ZC3H7B: variants seen among roughly 807,000 people sequenced by gnomAD.
ZC3H7B encodes the protein zinc finger CCCH-type containing 7B, also known as zinc finger CCCH domain-containing protein 7B.
A neutral mutation model predicts 116.0 loss-of-function variants in ZC3H7B; 35 were observed. The ratio of observed to expected loss-of-function variants is 0.30; its 90% CI spans 0.23 to 0.40. The LOEUF (loss-of-function observed/expected upper bound fraction) is 0.40. Among genes scored for constraint, ZC3H7B ranks in the 10% least tolerant of loss-of-function variants. ZC3H7B has a pLI of 1.00. For missense variants in ZC3H7B, 1,011 were observed against 1,321.5 expected (o/e 0.77, Z 3.64); for synonymous variants, 502 against 545.6 (o/e 0.92, Z 1.11).
intron 17 of ZC3H7B, among the ~76,000 whole-genome samples, chr22:41,352,105 C>T (rs755912916): frequency 2.6e-5 from 4 of 152,176 alleles, no homozygotes; most frequent in Non-Finnish European, 5.9e-5. Flanking sequence ...CAAAGTGCAG[C>T]GATTACAGGC....
intron 6 of ZC3H7B, 59 bp from the exon 7 acceptor site, chr22:41,332,112 G>A (rs2036390784): frequency 3.8e-6 from 6 of 1,597,230 alleles, no homozygotes; most frequent in Non-Finnish European, 4.3e-6. Flanking sequence ...CAGCTAAGGG[G>A]ACCTTGAGCA....
chr22:41,309,082 A>G (rs1317035674), intron 1 of ZC3H7B, among the ~76,000 whole-genome samples: 1 of 125,034 alleles, frequency 8.0e-6, no homozygotes, highest in Non-Finnish European at 1.6e-5. Flanking sequence ...CGCGATCTCG[A>G]CTCACTGCAA....
In ZC3H7B at chr22:41,340,140, A is replaced by G. The variant is rs1360477331; in HGVS notation, c.1138+3A>G. On this transcript the variant is annotated splice_donor_region_variant and intron_variant, in intron 10 of 22. Transcript: ENST00000352645. Reference sequence around the variant, plus strand: ...GGACAAACCTGACTCCTTCATGGGTAAGGCCATGGGTGGGCCCGTTCAACC... The same window carrying G: ...GGACAAACCTGACTCCTTCATGGGTGAGGCCATGGGTGGGCCCGTTCAACC... 2.5e-6 allele frequency: 4 copies of G among 1,597,068 alleles called. No individual in the cohort carries two copies. The highest frequency in any genetic ancestry group is 2.7e-5 in the African/African-American group (2 of 74,686).
chr22:41,352,741 G>A (rs995178306), intron 17 of ZC3H7B, among the ~76,000 whole-genome samples: 8 of 151,906 alleles, frequency 5.3e-5, no homozygotes, highest in Non-Finnish European at 1.0e-4. Flanking sequence ...CAGCTAGGGC[G>A]ACAGTGTGAG....
chr22:41,326,912 C>T (rs1301006174), intron 4 of ZC3H7B, among the ~76,000 whole-genome samples: 4 of 152,224 alleles, frequency 2.6e-5, no homozygotes, highest in Admixed American at 6.6e-5. Context: ...TGGAAATAGA[C>T]GTGCTTGAGT....
In ZC3H7B at chr22:41,351,122, C is replaced by T. The variant is rs910468309; in HGVS notation, c.1949-439C>T. 2.0e-5 allele frequency among the ~76,000 whole-genome samples: 3 copies of T among 152,278 alleles called. No homozygotes were observed. The highest frequency in any genetic ancestry group is 1.9e-4 in the East Asian group (1 of 5,186). ...AAAGAGCCGTGGTACCACAGTGAACCGGTGAGCCAGGCTGGGCAGGCATGG... is the reference window on the plus strand; with the variant it reads ...AAAGAGCCGTGGTACCACAGTGAACTGGTGAGCCAGGCTGGGCAGGCATGG... On this transcript the variant is annotated intron_variant, in intron 16 of 22. Transcript: ENST00000352645. This position sits in a 1 kb window ranked among gnomAD's most constrained non-coding sequence, Gnocchi z 5.1.
In ZC3H7B at chr22:41,349,291, G is replaced by T; in HGVS notation, c.1938G>T (p.Gln646His). The T allele has an allele frequency of 6.2e-7, 1 of 1,613,620 alleles. No homozygotes were observed. The highest frequency in any genetic ancestry group is 1.1e-5 in the South Asian group (1 of 91,074). ...SFIELKVWLLQQYSGMTHEDI... is the reference protein window; with the variant it reads ...SFIELKVWLLHQYSGMTHEDI... ...TCGAGCTCAAGGTCTGGCTGCTGCAGCAGTACTCAGGTGAGGGGCAGGCGG... is the reference window on the plus strand; with the variant it reads ...TCGAGCTCAAGGTCTGGCTGCTGCATCAGTACTCAGGTGAGGGGCAGGCGG... The change falls in exon 16 of 23, where the codon CAG becomes CAT. Residue 646 changes from glutamine to histidine, a missense_variant. Coordinates refer to ENST00000352645, the MANE Select transcript of ZC3H7B (RefSeq NM_017590.6). This position sits in a 1 kb window ranked among gnomAD's most constrained non-coding sequence, Gnocchi z 4.9.
chr22:41,345,140 C>T (rs182890198), intron 13 of ZC3H7B, among the ~76,000 whole-genome samples: 29 of 152,284 alleles, frequency 1.9e-4, no homozygotes, highest in African/African-American at 6.5e-4. Flanking sequence ...TGTATTATCT[C>T]ACTTGATTCC....
intron 2 of ZC3H7B, among the ~76,000 whole-genome samples, chr22:41,323,532 T>C (rs1057343159): frequency 3.9e-5 from 6 of 152,256 alleles, no homozygotes; most frequent in Admixed American, 6.5e-5. Flanking sequence ...GTCCCCTCCT[T>C]CTCCTTTCCA....
intron 7 of ZC3H7B, chr22:41,336,104 G>T (rs2036443157): frequency 6.6e-6 from 1 of 152,466 alleles, no homozygotes; most frequent in South Asian, 2.1e-4. Context: ...GAGCTGGACT[G>T]TGAAGGACTC....
intron 7 of ZC3H7B, chr22:41,336,666 G>T (rs2036452005): frequency 6.7e-6 from 1 of 149,266 alleles, no homozygotes. Flanking sequence ...CCATCTCAAA[G>T]AAAAAAAATA....
intron 6 of ZC3H7B, 94 bp from the exon 7 acceptor site, chr22:41,332,077 T>C: frequency 7.1e-7 from 1 of 1,401,810 alleles, no homozygotes; most frequent in Non-Finnish European, 1.0e-6. Flanking sequence ...CCCCAGCTGC[T>C]TGTGTCAGGG....
Position 41,353,541 on chromosome 22 carries a change from A to G in ZC3H7B, c.2034+1895A>G, listed in dbSNP as rs115812782. Among the ~76,000 whole-genome samples, 495 of 152,304 alleles carry G rather than the reference A, an allele frequency of 3.3e-3. 3 individuals carry two copies. Among genetic ancestry groups the G allele is most frequent in the African/African-American group, 0.012 (479 of 41,570 alleles). On this transcript the variant is annotated intron_variant, in intron 17 of 22. Transcript: ENST00000352645. ...CCCTCGGGCTCAGAGGGGTGGGCAC[A>G]GCGCCCAGGAGACAGTAAGTGTGAG...
chr22:41,352,928 A>T (rs937220424), intron 17 of ZC3H7B, among the ~76,000 whole-genome samples: 7 of 151,140 alleles, frequency 4.6e-5, no homozygotes, highest in Non-Finnish European at 1.0e-4. Flanking sequence ...AAATACAAAA[A>T]AATTAGCCGG....
rs2036758968 is a variant in ZC3H7B at position 41,359,288 on chromosome 22, T to C, written c.*1859T>C. The C allele has an allele frequency of 6.6e-6, 1 of 152,660 alleles. No homozygotes were observed. Among genetic ancestry groups the C allele is most frequent in the Non-Finnish European group, 1.5e-5 (1 of 68,058 alleles). The allele number at this position is 152,660 out of a possible 1,614,324, so 9.5% of individuals were successfully genotyped here. The stretch of plus-strand genomic sequence containing the variant: ...ATATGTCGCCCCCGTGATGCATATA[T>C]ACACAGGTATTAAATATATCGCTCT... On this transcript the variant is annotated 3_prime_UTR_variant, in exon 23 of 23. Coordinates refer to ENST00000352645, the MANE Select transcript of ZC3H7B (RefSeq NM_017590.6).
At position 41,338,470 on chromosome 22, in the gene ZC3H7B, AC is replaced by A; in HGVS notation, c.625+118del. 9.3e-7 allele frequency: 1 copy of A among 1,078,308 alleles called. No homozygotes were observed. The highest frequency in any genetic ancestry group is 1.4e-6 in the Non-Finnish European group (1 of 727,872). 66.8% of individuals were successfully genotyped at this position (1,078,308 alleles called of 1,614,324 possible). A position where few individuals can be genotyped will look rare whatever the true frequency, so the allele number is the denominator to read the frequency against. Reference sequence around the variant, plus strand: ...TGGGAGGGCCTCCGAGGGGTTCCCCACCCTGGTACTCCCTGAGGCATGGGAG... The same window carrying A: ...TGGGAGGGCCTCCGAGGGGTTCCCCACCTGGTACTCCCTGAGGCATGGGAG... On this transcript the variant is annotated intron_variant, in intron 8 of 22. Transcript: ENST00000352645. This position sits in a 1 kb window ranked among gnomAD's most constrained non-coding sequence, Gnocchi z 4.5.
At position 41,349,051 on chromosome 22, in the gene ZC3H7B, C is replaced by T; in HGVS notation, c.1767-69C>T. ...GGAGAGCCTGGCACTGGGAAGGTGG[C>T]CCTACCAGGAGAGAAGGTCAGAGGG... is the stretch of plus-strand genomic sequence containing the variant. On this transcript the variant is annotated intron_variant, in intron 15 of 22. Transcript: ENST00000352645. This position sits in a 1 kb window ranked among gnomAD's most constrained non-coding sequence, Gnocchi z 4.9. 4 of 1,529,638 alleles carry T rather than the reference C, an allele frequency of 2.6e-6. No homozygotes were observed. The highest frequency in any genetic ancestry group is 1.4e-5 in the African/African-American group (1 of 73,438). 94.8% of individuals were successfully genotyped at this position (1,529,638 alleles called of 1,614,324 possible).
At chr22:41,313,381 G>A (rs1417639085) in intron 1 of ZC3H7B, among the ~76,000 whole-genome samples, 14 of 152,092 alleles carry the variant, frequency 9.2e-5, no homozygotes, top group Non-Finnish European at 1.8e-4. Context: ...CAAAGTGTTG[G>A]AATTACAGGC....
At chr22:41,329,610 C>A (rs574456490) in intron 5 of ZC3H7B, among the ~76,000 whole-genome samples, 1 of 152,228 alleles carries the variant, frequency 6.6e-6, no homozygotes, top group Admixed American at 6.5e-5. Flanking sequence ...AGAAAAGAGC[C>A]CTAAGGAAAC....
Sources: allele counts gnomAD v4.1 joint callset (sites outside exome capture counted in the v4.1 genomes callset), GRCh38; gene constraint gnomAD v4.1.1; non-coding constraint Gnocchi (gnomAD v3.1); transcripts MANE v1.5; gene names NCBI Gene and HGNC (gene_info 2026-07-23, HGNC 2026-07-21).